The following ATRX variants were observed in gnomAD, a reference collection of about 807,000 sequenced individuals.
ATRX encodes the protein ATRX chromatin remodeler.
A neutral mutation model predicts 172.6 loss-of-function variants in ATRX; 12 were observed. The ratio of observed to expected loss-of-function variants is 0.07; its 90% CI spans 0.04 to 0.11. ATRX has a LOEUF of 0.11. ATRX is among the 10% of genes least tolerant of loss of function. The pLI is 1.00. For missense variants in ATRX, 1,368 were observed against 1,767.4 expected (o/e 0.77, Z 4.05); for synonymous variants, 674 against 594.7 (o/e 1.13, Z -1.94).
chrX:77,724,354 A>C lies in ATRX; in HGVS notation c.21-7111T>G, dbSNP rs191860046. On this transcript the variant is annotated intron_variant, in intron 1 of 34. Transcript: ENST00000373344. ...AAAAAGAAAAAAAAACAGATAACTA[A>C]ACAATGCTGCCTACTCATTTGAAAA... is the stretch of plus-strand genomic sequence containing the variant. 8.2e-4 allele frequency among the ~76,000 whole-genome samples: 90 copies of C among 110,349 alleles called. 1 individual carries two copies. The highest frequency in any genetic ancestry group is 2.9e-3 in the African/African-American group (87 of 30,428).
rs45530135 is a variant in ATRX, at chrX:77,559,874, C to T, written c.6327-1028G>A. Among the ~76,000 whole-genome samples, 844 of 111,107 alleles carry T rather than the reference C, an allele frequency of 7.6e-3. 13 individuals carry two copies. The highest frequency in any genetic ancestry group is 0.026 in the African/African-American group (805 of 30,621). On this transcript the variant is annotated intron_variant, in intron 28 of 34. Coordinates refer to ENST00000373344, the MANE Select transcript of ATRX (RefSeq NM_000489.6). ...CAGCAAAATATAATAAACAAGTACA[C>T]GAAAAAGGAAAAACAATCACAGTAT... is the stretch of plus-strand genomic sequence containing the variant.
chrX:77,688,181 C>T (rs1557145116), intron 7 of ATRX, among the ~76,000 whole-genome samples: 1 of 110,975 alleles, frequency 9.0e-6, no homozygotes, highest in African/African-American at 3.3e-5. Flanking sequence ...TCAGGAGATC[C>T]ACCTGCCTCA....
chrX:77,750,591 G>T (rs2148877002), intron 1 of ATRX, among the ~76,000 whole-genome samples: 1 of 109,593 alleles, frequency 9.1e-6, no homozygotes, highest in Admixed American at 9.8e-5. Flanking sequence ...GTATAGATGT[G>T]CCATGGTGGT....
At chrX:77,723,788 T>C (rs1743375265) in intron 1 of ATRX, among the ~76,000 whole-genome samples, 1 of 111,610 alleles carries the variant, frequency 9.0e-6, no homozygotes, top group Admixed American at 9.6e-5. Flanking sequence ...TAGATCACCA[T>C]AGAAAAGTTC....
At chrX:77,555,843 C>A (rs971568315) in intron 30 of ATRX, among the ~76,000 whole-genome samples, 12 of 109,835 alleles carry the variant, frequency 1.1e-4, no homozygotes, top group African/African-American at 3.7e-4. Context: ...GCATGTTCAG[C>A]ACACGTATAA....
intron 1 of ATRX, among the ~76,000 whole-genome samples, chrX:77,768,610 A>C (rs781844161): frequency 4.5e-5 from 5 of 111,919 alleles, no homozygotes; most frequent in Non-Finnish European, 9.4e-5. Flanking sequence ...CTTTAGAAGA[A>C]GACATTAAAT....
rs180685696 is a variant in ATRX at position 77,727,536 on chromosome X, A to G, written c.21-10293T>C. On this transcript the variant is annotated intron_variant, in intron 1 of 34. Transcript: ENST00000373344. The stretch of plus-strand genomic sequence containing the variant: ...ATCAGTTCATATATTTTGCAGGGAC[A>G]TGGATGAAGCTGGAAACCATCACTC... Among the ~76,000 whole-genome samples, 388 of 111,362 alleles carry G rather than the reference A, an allele frequency of 3.5e-3. 8 individuals are homozygous for G. The highest frequency in any genetic ancestry group is 0.032 in the Admixed American group (333 of 10,362).
At chrX:77,578,413 T>C (rs1895513198) in intron 27 of ATRX, among the ~76,000 whole-genome samples, 2 of 112,013 alleles carry the variant, frequency 1.8e-5, no homozygotes, top group African/African-American at 6.5e-5. Context: ...TGCTTTCTAC[T>C]TGAGGAGAGA....
At chrX:77,633,140 T>G in intron 19 of ATRX, 67 bp downstream of exon 19, 1 of 1,051,262 alleles carries the variant, frequency 9.5e-7, no homozygotes, top group East Asian at 3.0e-5. Flanking sequence ...CAATTACTAT[T>G]TGTTAAAATA....
Position 77,634,715 on chromosome X carries a change from A to G in ATRX, c.4700-12T>C. On this transcript the variant is annotated splice_polypyrimidine_tract_variant and intron_variant, in intron 16 of 34. Coordinates refer to ENST00000373344, the MANE Select transcript of ATRX (RefSeq NM_000489.6). The stretch of plus-strand genomic sequence containing the variant: ...CATAAACTGAACACCTAAAAATAAC[A>G]GCTTCATTAAGTTAAATTTAAAGGT... 8.5e-7 allele frequency: 1 copy of G among 1,179,856 alleles called. No individual in the cohort carries two copies.
rs782435942 is a variant in ATRX, at chrX:77,645,353, G to A, written c.4557+6761C>T. Among the ~76,000 whole-genome samples, 8 of 111,182 alleles carry A rather than the reference G, an allele frequency of 7.2e-5. No individual in the cohort carries two copies. In the South Asian group the frequency reaches 3.1e-3, roughly 43 times the overall value. ...AAGGTCTCACTATGTTGCCCAGTCT[G>A]GTCTTAAGCTCCTGGCCTCAAGTGA... On this transcript the variant is annotated intron_variant, in intron 15 of 34. Transcript: ENST00000373344.
At chrX:77,627,219 T>A (rs1200503067) in intron 19 of ATRX, among the ~76,000 whole-genome samples, 4 of 108,657 alleles carry the variant, frequency 3.7e-5, no homozygotes, top group Non-Finnish European at 1.9e-5. Context: ...GGTGACAGAG[T>A]GAGACTCCGT....
chrX:77,608,504 G>A (rs1486433485), intron 22 of ATRX, among the ~76,000 whole-genome samples: 1 of 111,552 alleles, frequency 9.0e-6, no homozygotes, highest in Non-Finnish European at 1.9e-5. Flanking sequence ...AGTCTCTTCA[G>A]TAAGTGGTGC....
intron 14 of ATRX, among the ~76,000 whole-genome samples, chrX:77,653,182 A>G (rs941897907): frequency 8.9e-6 from 1 of 111,742 alleles, no homozygotes. Flanking sequence ...TATATGATGT[A>G]GCAATTCCAT....
At chrX:77,689,422 A>G (rs1205990274) in intron 6 of ATRX, among the ~76,000 whole-genome samples, 1 of 112,418 alleles carries the variant, frequency 8.9e-6, no homozygotes, top group Non-Finnish European at 1.9e-5. Flanking sequence ...TTATGATATT[A>G]CCAATTTCCT....
intron 4 of ATRX, among the ~76,000 whole-genome samples, chrX:77,697,088 G>T (rs1333397902): frequency 8.9e-6 from 1 of 111,819 alleles, no homozygotes; most frequent in South Asian, 3.7e-4. Flanking sequence ...ATAGTATATT[G>T]GGTACTACAT....
chrX:77,521,648 T>C (rs782167145), intron 32 of ATRX, 150 bp from the exon 33 acceptor site: 109 of 446,372 alleles, frequency 2.4e-4, no homozygotes, highest in Non-Finnish European at 3.2e-4. Context: ...ATCAATAAAG[T>C]GGAGTAAACC....
At chrX:77,675,963 T>C (rs782061515) in intron 10 of ATRX, 61 of 235,583 alleles carry the variant, frequency 2.6e-4, no homozygotes, top group Non-Finnish European at 3.9e-4. Flanking sequence ...GCAGTTTACA[T>C]AGCAACATAA....
intron 1 of ATRX, among the ~76,000 whole-genome samples, chrX:77,746,821 T>A (rs2075096762): frequency 9.0e-6 from 1 of 111,506 alleles, no homozygotes; most frequent in South Asian, 3.8e-4. Context: ...TTTTTTGAGA[T>A]GGAGTCTTGC....
Sources: allele counts gnomAD v4.1 joint callset (sites outside exome capture counted in the v4.1 genomes callset), GRCh38; gene constraint gnomAD v4.1.1; transcripts MANE v1.5; gene names NCBI Gene and HGNC (gene_info 2026-07-23, HGNC 2026-07-21).